TUNAR: variants seen among roughly 807,000 people sequenced by gnomAD.
TUNAR encodes transmembrane neural differentiation associated intracellular calcium regulator, also known as protein TUNAR.
chr14:95,901,354 C>T (rs906857064), intron 2 of TUNAR, among the ~76,000 whole-genome samples: 4 of 152,244 alleles, frequency 2.6e-5, no homozygotes, highest in Non-Finnish European at 5.9e-5. Flanking sequence ...CATTCTCTTC[C>T]TCCCCAGAGA....
chr14:95,920,327 T>C (rs547670479), intron 2 of TUNAR, among the ~76,000 whole-genome samples: 1 of 152,236 alleles, frequency 6.6e-6, no homozygotes, highest in Admixed American at 6.5e-5. Flanking sequence ...TTGATCTCGG[T>C]GCTAAACAGA....
At chr14:95,886,080 C>T (rs1234503059) in intron 2 of TUNAR, among the ~76,000 whole-genome samples, 1 of 152,186 alleles carries the variant, frequency 6.6e-6, no homozygotes, top group Admixed American at 6.5e-5. Flanking sequence ...GGCAGTGTCC[C>T]AGCCTGATTC....
rs139854895 is a variant in TUNAR at position 95,885,978 on chromosome 14, C to T, written c.12+8801C>T. Reference sequence around the variant, plus strand: ...CTGCCCAGACCCCAACTCCACCAGCCCTGCTGGGGCTCGGAAGGAAAGCAA... The same window carrying T: ...CTGCCCAGACCCCAACTCCACCAGCTCTGCTGGGGCTCGGAAGGAAAGCAA... On this transcript the variant is annotated intron_variant, in intron 2 of 2. Transcript: ENST00000678517. 3.7e-3 allele frequency among the ~76,000 whole-genome samples: 566 copies of T among 152,224 alleles called. 2 individuals carry two copies. Among genetic ancestry groups the T allele is most frequent in the African/African-American group, 0.013 (549 of 41,542 alleles).
intron 2 of TUNAR, among the ~76,000 whole-genome samples, chr14:95,908,741 A>G (rs1035530176): frequency 2.6e-5 from 4 of 152,188 alleles, no homozygotes; most frequent in African/African-American, 4.8e-5. Flanking sequence ...GGCCTTGGCT[A>G]TCACCCAGTT....
At chr14:95,891,235 C>T (rs1595117443) in intron 2 of TUNAR, among the ~76,000 whole-genome samples, 2 of 152,332 alleles carry the variant, frequency 1.3e-5, no homozygotes, top group East Asian at 3.9e-4. Flanking sequence ...CAAGGTCCCA[C>T]CTGCTCGGGG....
chr14:95,910,757 T>C (rs1220035581), intron 2 of TUNAR, among the ~76,000 whole-genome samples: 1 of 152,208 alleles, frequency 6.6e-6, no homozygotes, highest in Non-Finnish European at 1.5e-5. Context: ...CATGGGCATG[T>C]GTGGAGGAGC....
At chr14:95,921,252 G>A (rs545621678) in intron 2 of TUNAR, among the ~76,000 whole-genome samples, 10 of 152,286 alleles carry the variant, frequency 6.6e-5, no homozygotes, top group Admixed American at 5.9e-4. Context: ...CTATCTGGGC[G>A]TGCATGACCC....
chr14:95,914,056 G>A (rs1486547877), intron 2 of TUNAR, among the ~76,000 whole-genome samples: 1 of 152,230 alleles, frequency 6.6e-6, no homozygotes, highest in East Asian at 1.9e-4. Context: ...TAGCAACCTT[G>A]GATAAATATG....
At chr14:95,921,189 A>G (rs1260520901) in intron 2 of TUNAR, among the ~76,000 whole-genome samples, 2 of 152,244 alleles carry the variant, frequency 1.3e-5, no homozygotes, top group African/African-American at 4.8e-5. Context: ...CAGTCTCCCA[A>G]TTCAAATGTT....
At chr14:95,923,679 T>C (rs1370264284) in exon 3 of TUNAR, 1 of 152,268 alleles carries the variant, frequency 6.6e-6, no homozygotes, top group Non-Finnish European at 1.5e-5. Context: ...GGAGCCATTC[T>C]AGTCCTTTTG....
chr14:95,916,497 A>C lies in TUNAR; in HGVS notation c.13-6284A>C, dbSNP rs540729045. On this transcript the variant is annotated intron_variant, in intron 2 of 2. Coordinates refer to ENST00000678517, the Ensembl canonical transcript of TUNAR. Reference sequence around the variant, plus strand: ...ACGCTGTGTGTTTTTCCAGCATGAGAACTCACAACGGTAGATCCAGGCCAC... The same window carrying C: ...ACGCTGTGTGTTTTTCCAGCATGAGCACTCACAACGGTAGATCCAGGCCAC... Among the ~76,000 whole-genome samples the C allele has an allele frequency of 2.0e-4, 31 of 152,298 alleles. No homozygotes were observed. The East Asian group carries it at 6.0e-3, about 29-fold the overall frequency.
chr14:95,887,179 C>T (rs1037039992), intron 2 of TUNAR, among the ~76,000 whole-genome samples: 7 of 152,284 alleles, frequency 4.6e-5, no homozygotes, highest in African/African-American at 9.6e-5. Context: ...TGCACACTTA[C>T]GTACATACAT....
chr14:95,907,735 T>C (rs772129527), intron 2 of TUNAR, among the ~76,000 whole-genome samples: 9 of 152,180 alleles, frequency 5.9e-5, no homozygotes, highest in South Asian at 2.1e-4. Flanking sequence ...GTGGCTTCTT[T>C]ATGCCAGCAG....
At chr14:95,904,541 G>C (rs1889401873) in intron 2 of TUNAR, among the ~76,000 whole-genome samples, 1 of 152,222 alleles carries the variant, frequency 6.6e-6, no homozygotes, top group African/African-American at 2.4e-5. Context: ...GCCCAGGCCA[G>C]GGTCACCAAG....
chr14:95,902,577 G>A (rs993083677), intron 2 of TUNAR, among the ~76,000 whole-genome samples: 1 of 152,160 alleles, frequency 6.6e-6, no homozygotes, highest in Non-Finnish European at 1.5e-5. Flanking sequence ...CTAGGAAATC[G>A]CACTTACGGG....
chr14:95,916,627 G>A (rs916531968), intron 2 of TUNAR, among the ~76,000 whole-genome samples: 10 of 152,148 alleles, frequency 6.6e-5, no homozygotes, highest in African/African-American at 1.7e-4. Flanking sequence ...AGGTGTACTC[G>A]GTGTGTATCT....
At chr14:95,920,578 T>C (rs1889680856) in intron 2 of TUNAR, among the ~76,000 whole-genome samples, 1 of 152,162 alleles carries the variant, frequency 6.6e-6, no homozygotes, top group South Asian at 2.1e-4. Context: ...CACAGTTTCA[T>C]GTTGCATCAG....
At chr14:95,905,156 A>G (rs1889411240) in intron 2 of TUNAR, among the ~76,000 whole-genome samples, 1 of 152,216 alleles carries the variant, frequency 6.6e-6, no homozygotes, top group Non-Finnish European at 1.5e-5. Context: ...TGTAGAAGTC[A>G]TTTCCGCACC....
chr14:95,898,992 T>C (rs1889306521), intron 2 of TUNAR, among the ~76,000 whole-genome samples: 1 of 152,234 alleles, frequency 6.6e-6, no homozygotes, highest in African/African-American at 2.4e-5. Context: ...TAGAAATGAC[T>C]AGCTGGTAAC....
Sources: gnomAD v4.1 joint callset for allele counts (sites outside exome capture counted in the v4.1 genomes callset) on GRCh38, gnomAD v4.1.1 for gene constraint, MANE v1.5 for transcripts, NCBI Gene and HGNC (gene_info 2026-07-23, HGNC 2026-07-21) for gene names.